TRPC4: variants seen among roughly 807,000 people sequenced by gnomAD.
The protein encoded by TRPC4 is short transient receptor potential channel 4.
Under a neutral mutation model 99.4 loss-of-function variants are expected in TRPC4, and 49 were observed. That is an observed-to-expected ratio of 0.49 (90% CI 0.39 to 0.63). The LOEUF (loss-of-function observed/expected upper bound fraction) is 0.63, where lower values mean the gene tolerates loss of function less well. Among genes scored for constraint, TRPC4 ranks in the 20% least tolerant of loss-of-function variants. The pLI is 0.00. For synonymous variants in TRPC4, 454 were observed against 425.9 expected (o/e 1.07, Z -0.81); for missense variants, 898 against 1,152.9 (o/e 0.78, Z 3.20).
At chr13:37,690,764 T>G (rs1953664786) in intron 4 of TRPC4, among the ~76,000 whole-genome samples, 1 of 152,170 alleles carries the variant, frequency 6.6e-6, no homozygotes, top group Admixed American at 6.5e-5. Context: ...AAAGTATGGT[T>G]TTTATAATTT....
chr13:37,745,457 T>TACGCATATATATATATATATATGC (rs1425593668), intron 3 of TRPC4, among the ~76,000 whole-genome samples: 413 of 8,026 alleles, frequency 0.051, 3 homozygotes, highest in Non-Finnish European at 0.15. Context: ...TATATATATA[T>TACGCATATATATATATATATATGC]ATATATATAT....
At chr13:37,779,990 T>A (rs1311513344) in intron 2 of TRPC4, among the ~76,000 whole-genome samples, 1 of 152,062 alleles carries the variant, frequency 6.6e-6, no homozygotes, top group Non-Finnish European at 1.5e-5. Flanking sequence ...CAGCCTTTAT[T>A]CATATTCCCA....
intron 6 of TRPC4, among the ~76,000 whole-genome samples, chr13:37,662,502 TGTAA>T (rs1851389137): frequency 6.6e-6 from 1 of 152,216 alleles, no homozygotes; most frequent in Non-Finnish European, 1.5e-5. Context: ...GCATTTTAGC[TGTAA>T]GTGATTTTGT....
chr13:37,745,136 C>G (rs1955699970), intron 3 of TRPC4, among the ~76,000 whole-genome samples: 1 of 151,864 alleles, frequency 6.6e-6, no homozygotes, highest in Non-Finnish European at 1.5e-5. Flanking sequence ...TAAGAGTCTT[C>G]ACACATCCAC....
intron 3 of TRPC4, among the ~76,000 whole-genome samples, chr13:37,694,737 G>A (rs1056770396): frequency 1.3e-5 from 2 of 152,138 alleles, no homozygotes; most frequent in Non-Finnish European, 2.9e-5. Context: ...ACAGACACAG[G>A]GAGGTTTTTG....
At chr13:37,776,427 T>G (rs1314736293) in intron 2 of TRPC4, among the ~76,000 whole-genome samples, 1 of 151,850 alleles carries the variant, frequency 6.6e-6, no homozygotes, top group Non-Finnish European at 1.5e-5. Flanking sequence ...TCTTTAATAC[T>G]ATACTATAAC....
At chr13:37,827,138 A>C (rs1430340179) in intron 1 of TRPC4, among the ~76,000 whole-genome samples, 1 of 151,422 alleles carries the variant, frequency 6.6e-6, no homozygotes, top group South Asian at 2.1e-4. Context: ...TCCTTTAAAC[A>C]CTTCTCTGTA....
Position 37,782,383 on chromosome 13 carries a change from ACAGT to A in TRPC4, c.378+569_378+572del, listed in dbSNP as rs1203838464. ...CAGTAAAGTTGATGTAGTTAAGCCCACAGTCAGAGTTCAGCTATCTCATAGTAAT... is the reference window on the plus strand; with the variant it reads ...CAGTAAAGTTGATGTAGTTAAGCCCACAGAGTTCAGCTATCTCATAGTAAT... On this transcript the variant is annotated intron_variant, in intron 2 of 10. Transcript: ENST00000379705. Among the ~76,000 whole-genome samples, 5 of 152,266 alleles carry A rather than the reference ACAGT, an allele frequency of 3.3e-5. No homozygotes were observed. In the South Asian group the frequency reaches 6.2e-4, roughly 19 times the overall value.
chr13:37,846,302 G>A (rs1206469955), intron 1 of TRPC4, among the ~76,000 whole-genome samples: 2 of 152,106 alleles, frequency 1.3e-5, no homozygotes, highest in East Asian at 3.9e-4. Flanking sequence ...AATATTGTAA[G>A]GGTGGTGTGT....
intron 6 of TRPC4, among the ~76,000 whole-genome samples, chr13:37,660,222 G>A (rs1420912601): frequency 1.3e-5 from 2 of 152,186 alleles, no homozygotes; most frequent in South Asian, 2.1e-4. Context: ...AGAAAGGCTA[G>A]AGAAGTAAGA....
At chr13:37,740,583 C>T (rs1955553005) in intron 3 of TRPC4, among the ~76,000 whole-genome samples, 1 of 152,128 alleles carries the variant, frequency 6.6e-6, no homozygotes. Context: ...TCTTGCTATG[C>T]ACTGTAACTC....
intron 1 of TRPC4, among the ~76,000 whole-genome samples, chr13:37,869,213 A>C (rs1959996449): frequency 6.6e-6 from 1 of 151,692 alleles, no homozygotes; most frequent in African/African-American, 2.4e-5. Context: ...CATTTTCCCC[A>C]AATGCATAAA....
chr13:37,832,625 C>T (rs374870875), intron 1 of TRPC4, among the ~76,000 whole-genome samples: 4 of 151,906 alleles, frequency 2.6e-5, no homozygotes, highest in East Asian at 3.9e-4. Flanking sequence ...AAATAGGAAT[C>T]GAATAGTTAG....
chr13:37,836,959 G>C (rs1958582905), intron 1 of TRPC4, among the ~76,000 whole-genome samples: 1 of 152,144 alleles, frequency 6.6e-6, no homozygotes, highest in Non-Finnish European at 1.5e-5. Context: ...CTAGGGACTT[G>C]GTGACTTTAG....
At chr13:37,830,542 G>A (rs1038252920) in intron 1 of TRPC4, among the ~76,000 whole-genome samples, 5 of 151,276 alleles carry the variant, frequency 3.3e-5, no homozygotes, top group Admixed American at 2.6e-4. Context: ...GTGAAACCCC[G>A]TCTCTACTAA....
intron 1 of TRPC4, among the ~76,000 whole-genome samples, chr13:37,816,034 A>T (rs564120224): frequency 1.3e-5 from 2 of 152,154 alleles, no homozygotes; most frequent in Admixed American, 1.3e-4. Flanking sequence ...TTAAGGCAGA[A>T]ATCAAGAAAT....
At chr13:37,792,080 T>A (rs759514872) in intron 1 of TRPC4, among the ~76,000 whole-genome samples, 3 of 152,126 alleles carry the variant, frequency 2.0e-5, no homozygotes, top group Non-Finnish European at 4.4e-5. Context: ...TAAAGATCAC[T>A]CTCACTGCTG....
chr13:37,775,561 A>C (rs1956677058), intron 2 of TRPC4, among the ~76,000 whole-genome samples: 1 of 151,618 alleles, frequency 6.6e-6, no homozygotes, highest in Admixed American at 6.6e-5. Flanking sequence ...CAAAGGACTA[A>C]ATAATTTTTC....
intron 3 of TRPC4, among the ~76,000 whole-genome samples, chr13:37,729,924 A>T (rs1955189575): frequency 6.6e-6 from 1 of 152,036 alleles, no homozygotes; most frequent in Non-Finnish European, 1.5e-5. Flanking sequence ...GTTGCACGGT[A>T]TGAATGCAAT....
Sources: gnomAD v4.1 joint callset for allele counts (sites outside exome capture counted in the v4.1 genomes callset) on GRCh38, gnomAD v4.1.1 for gene constraint, MANE v1.5 for transcripts, NCBI Gene and HGNC (gene_info 2026-07-23, HGNC 2026-07-21) for gene names.